PCDHGA9: variants seen among roughly 807,000 people sequenced by gnomAD.
PCDHGA9 encodes protocadherin gamma subfamily A, 9.
PCDHGA9 carries 37 observed loss-of-function variants against 62.5 expected under a neutral mutation model. The ratio of observed to expected loss-of-function variants is 0.59; its 90% CI spans 0.46 to 0.78. PCDHGA9 has a LOEUF of 0.78. Ranked by LOEUF, PCDHGA9 falls within the 30% of genes least tolerant of loss-of-function variation. The probability of loss-of-function intolerance (pLI) is 0.00; values close to 1 mark genes in which losing one functional copy is unlikely to be tolerated. For synonymous variants in PCDHGA9, 459 were observed against 484.6 expected, an observed-to-expected ratio of 0.95 and a Z score of 0.69; for missense variants, 1,138 against 1,166.2, an observed-to-expected ratio of 0.98 and a Z score of 0.35.
At chr5:141,498,796 G>A (rs1160540093) in intron 2 of PCDHGA9, among the ~76,000 whole-genome samples, 1 of 152,032 alleles carries the variant, frequency 6.6e-6, no homozygotes, top group Non-Finnish European at 1.5e-5. Context: ...AGCCAGGTGT[G>A]GTGGTGCACA....
rs1244941764 is a variant in PCDHGA9 at position 141,404,982 on chromosome 5, G to GGATTA, written c.2030_2031insGATTA (p.Ser677ArgfsTer42). 10 of 1,613,938 alleles carry GGATTA rather than the reference G, an allele frequency of 6.2e-6. No homozygotes were observed. Among genetic ancestry groups the GGATTA allele is most frequent in the Non-Finnish European group, 8.5e-6 (10 of 1,179,902 alleles). On this transcript the variant is annotated frameshift_variant, in exon 1 of 4. Coordinates refer to ENST00000573521, the MANE Select transcript of PCDHGA9 (RefSeq NM_018921.3). LOFTEE classifies it high-confidence loss of function. ...CCAGACATCCTGGCTGACCTGGGCA[G>GGATTA]TCTTCAGATCCCTGCAGACCTGGAG...
rs1252377833 is a variant in PCDHGA9, at chr5:141,485,012, G to T, written c.2425-9795G>T. On this transcript the variant is annotated intron_variant, in intron 1 of 3. Coordinates refer to ENST00000573521, the MANE Select transcript of PCDHGA9 (RefSeq NM_018921.3). The surrounding 1 kb of genome is among the most constrained non-coding windows in gnomAD (Gnocchi z 5.7). Reference sequence around the variant, plus strand: ...GGTGAAAGGCAGACAAATCTACCCCGCCACCAGCAAAAACGGCGCGTAACC... The same window carrying T: ...GGTGAAAGGCAGACAAATCTACCCCTCCACCAGCAAAAACGGCGCGTAACC... The T allele has an allele frequency of 1.3e-5, 8 of 630,528 alleles. No individual in the cohort carries two copies. In the Admixed American group the frequency reaches 1.5e-4, roughly 12 times the overall value. 39.1% of individuals were successfully genotyped at this position (630,528 alleles called of 1,614,324 possible).
intron 1 of PCDHGA9, chr5:141,433,208 C>CT (rs745329085): frequency 0.022 from 27,155 of 1,216,152 alleles, no homozygotes; most frequent in Non-Finnish European, 0.026. Flanking sequence ...AATCTTCTTT[C>CT]TTTTTTTTTT....
chr5:141,508,507 TGGTCCAGCCCAACCTCAG>T (rs1377043623), intron 3 of PCDHGA9, among the ~76,000 whole-genome samples: 1 of 152,178 alleles, frequency 6.6e-6, no homozygotes, highest in Non-Finnish European at 1.5e-5. Flanking sequence ...CTCTCCCTCC[TGGTCCAGCCCAACCTCAG>T]GGCACCCCCC....
Position 141,487,193 on chromosome 5 carries a change from C to T in PCDHGA9, c.2425-7614C>T. 6.2e-7 allele frequency: 1 copy of T among 1,613,784 alleles called. No individual in the cohort carries two copies. Among genetic ancestry groups the T allele is most frequent in the Non-Finnish European group, 8.5e-7 (1 of 1,179,724 alleles). On this transcript the variant is annotated intron_variant, in intron 1 of 3. Transcript: ENST00000573521. The surrounding 1 kb of genome is among the most constrained non-coding windows in gnomAD (Gnocchi z 5.0). ...AGAGGAAGACACTCATCCAGTTGTC[C>T]CAGATCTTCGAGAATCTTCAGCTCC...
intron 1 of PCDHGA9, chr5:141,419,071 A>G: frequency 6.2e-7 from 1 of 1,614,006 alleles, no homozygotes; most frequent in South Asian, 1.1e-5. Flanking sequence ...ACTACAAGCT[A>G]GTAACAGATG....
Position 141,490,896 on chromosome 5 carries a change from G to A in PCDHGA9, c.2425-3911G>A. 6.2e-7 allele frequency: 1 copy of A among 1,613,938 alleles called. No homozygotes were observed. Among genetic ancestry groups the A allele is most frequent in the Non-Finnish European group, 8.5e-7 (1 of 1,179,922 alleles). ...TGCATGCCAACACATCTCTGCATGTGTTTGTCCTAGACGAGAATGATAATG... is the reference window on the plus strand; with the variant it reads ...TGCATGCCAACACATCTCTGCATGTATTTGTCCTAGACGAGAATGATAATG... On this transcript the variant is annotated intron_variant, in intron 1 of 3. Coordinates refer to ENST00000573521, the MANE Select transcript of PCDHGA9 (RefSeq NM_018921.3). This position sits in a 1 kb window ranked among gnomAD's most constrained non-coding sequence, Gnocchi z 5.4.
At chr5:141,474,847 GC>G (rs1357496937) in intron 1 of PCDHGA9, among the ~76,000 whole-genome samples, 1 of 152,198 alleles carries the variant, frequency 6.6e-6, no homozygotes, top group East Asian at 1.9e-4. Context: ...CACTTTACCT[GC>G]CTTCTTCATT....
At chr5:141,428,532 C>T (rs1561836699) in intron 1 of PCDHGA9, 7 of 277,518 alleles carry the variant, frequency 2.5e-5, no homozygotes, top group Non-Finnish European at 5.0e-5. Context: ...TTAATTTTCT[C>T]ACCATGACAC....
rs992592523 is a variant in PCDHGA9 at position 141,432,710 on chromosome 5, C to T, written c.2424+27334C>T. ...CGTAGTGGCCGTCCAGGACCACGGC[C>T]AGCCCCCTCTCTCCGCCACTGTCAC... On this transcript the variant is annotated intron_variant, in intron 1 of 3. Coordinates refer to ENST00000573521, the MANE Select transcript of PCDHGA9 (RefSeq NM_018921.3). This position sits in a 1 kb window ranked among gnomAD's most constrained non-coding sequence, Gnocchi z 6.0. The T allele has an allele frequency of 6.2e-7, 1 of 1,613,884 alleles. No homozygotes were observed.
intron 1 of PCDHGA9, among the ~76,000 whole-genome samples, chr5:141,460,801 ATATGTATG>A (rs2098998171): frequency 6.6e-6 from 1 of 152,010 alleles, no homozygotes; most frequent in Non-Finnish European, 1.5e-5. Context: ...CAAAGTATAT[ATATGTATG>A]TATACATATA....
intron 3 of PCDHGA9, chr5:141,507,089 C>T (rs564539147): frequency 2.0e-5 from 3 of 152,298 alleles, no homozygotes; most frequent in Admixed American, 1.3e-4. Context: ...TAAGTTTATG[C>T]TCTTTCTACT....
chr5:141,459,503 A>T (rs1346447458), intron 1 of PCDHGA9, among the ~76,000 whole-genome samples: 1 of 152,242 alleles, frequency 6.6e-6, no homozygotes, highest in Non-Finnish European at 1.5e-5. Flanking sequence ...AGTGATGTGA[A>T]CAATCATGTA....
chr5:141,472,145 A>C (rs1376068421), intron 1 of PCDHGA9, among the ~76,000 whole-genome samples: 1 of 152,244 alleles, frequency 6.6e-6, no homozygotes, highest in Non-Finnish European at 1.5e-5. Context: ...TAAAAGTTTC[A>C]TGGTTACATA....
At position 141,431,376 on chromosome 5, in the gene PCDHGA9, C is replaced by T. The variant is rs558222633; in HGVS notation, c.2424+26000C>T. The T allele has an allele frequency of 1.2e-6, 2 of 1,613,436 alleles. No homozygotes were observed. Among genetic ancestry groups the T allele is most frequent in the African/African-American group, 2.7e-5 (2 of 75,070 alleles). On this transcript the variant is annotated intron_variant, in intron 1 of 3. Coordinates refer to ENST00000573521, the MANE Select transcript of PCDHGA9 (RefSeq NM_018921.3). The surrounding 1 kb of genome is among the most constrained non-coding windows in gnomAD (Gnocchi z 4.8). Reference sequence around the variant, plus strand: ...CGCGCCCTGGACCGCGAAGAAAAGGCTGCTCACCACCTGGTCCTTACGGCC... The same window carrying T: ...CGCGCCCTGGACCGCGAAGAAAAGGTTGCTCACCACCTGGTCCTTACGGCC...
chr5:141,451,301 G>T (rs963686418), intron 1 of PCDHGA9, among the ~76,000 whole-genome samples: 3 of 152,196 alleles, frequency 2.0e-5, no homozygotes, highest in Non-Finnish European at 4.4e-5. Flanking sequence ...AGTCTTACAA[G>T]GCAGCAATTA....
rs751153896 is a variant in PCDHGA9, at chr5:141,477,514, T to C, written c.2425-17293T>C. On this transcript the variant is annotated intron_variant, in intron 1 of 3. Transcript: ENST00000573521. The surrounding 1 kb of genome is among the most constrained non-coding windows in gnomAD (Gnocchi z 4.9). ...CTCAATCTTCCTACGACGTTTACAT[T>C]GAAGAAAACAACCTCCCCGGGGCTC... is the stretch of plus-strand genomic sequence containing the variant. 2 of 1,614,114 alleles carry C rather than the reference T, an allele frequency of 1.2e-6. No individual in the cohort carries two copies. The highest frequency in any genetic ancestry group is 2.2e-5 in the East Asian group (1 of 44,878).
At chr5:141,440,106 T>A (rs1288263875) in intron 1 of PCDHGA9, 1 of 152,228 alleles carries the variant, frequency 6.6e-6, no homozygotes, top group East Asian at 1.9e-4. Flanking sequence ...AGTGGAGACT[T>A]ACTTGTGAAT....
chr5:141,435,686 T>C (rs2097774326), intron 1 of PCDHGA9, among the ~76,000 whole-genome samples: 1 of 152,340 alleles, frequency 6.6e-6, no homozygotes, highest in Non-Finnish European at 1.5e-5. Flanking sequence ...GAGAACTTTA[T>C]GCTTATTGTA....
Sources: gnomAD v4.1 joint callset for allele counts (sites outside exome capture counted in the v4.1 genomes callset) on GRCh38, gnomAD v4.1.1 for gene constraint, Gnocchi (gnomAD v3.1) non-coding constraint, MANE v1.5 for transcripts, NCBI Gene and HGNC (gene_info 2026-07-23, HGNC 2026-07-21) for gene names.